IGSF10: variants seen among roughly 807,000 people sequenced by gnomAD.
IGSF10 encodes calvaria mechanical force protein 608.
Under a neutral mutation model 128.2 loss-of-function variants are expected in IGSF10, and 126 were observed. That is an observed-to-expected ratio of 0.98 (90% CI 0.85 to 1.14). The LOEUF (loss-of-function observed/expected upper bound fraction) is 1.14, where lower values mean the gene tolerates loss of function less well. Ranked by LOEUF, IGSF10 falls within the 50% of genes most tolerant of loss-of-function variation. The pLI is 0.00. For missense variants in IGSF10, 3,295 were observed against 3,149.8 expected (o/e 1.05, Z -1.10); for synonymous variants, 1,185 against 1,146.2 (o/e 1.03, Z -0.68).
chr3:151,589,895 G>T, the IGSF10 span, among the ~76,000 whole-genome samples: 4 of 152,064 alleles, frequency 2.6e-5, no homozygotes, highest in Non-Finnish European at 4.4e-5. Flanking sequence ...GAAAACTTAT[G>T]ATGTGTTTTT....
chr3:151,472,933 C>G, the IGSF10 span, among the ~76,000 whole-genome samples: 6 of 152,214 alleles, frequency 3.9e-5, no homozygotes, highest in East Asian at 1.2e-3. Context: ...GGGCCTTGAA[C>G]CTTGGGTCCA....
At chr3:151,435,058 GTTTCT>G (rs1353926415), downstream of IGSF10, 44 of 124,586 alleles carry the variant, frequency 3.5e-4, no homozygotes, top group African/African-American at 1.2e-3. Context: ...ATCTTGAGAG[GTTTCT>G]TTTTTTTTTT....
chr3:151,449,384 G>C (rs774903088), intron 5 of IGSF10, 119 bp from the exon 6 acceptor site: 26 of 1,004,232 alleles, frequency 2.6e-5, no homozygotes, highest in Non-Finnish European at 3.7e-5. Context: ...GTGTTCAATG[G>C]AAAGTTTTCT....
chr3:151,578,313 C>A, the IGSF10 span, among the ~76,000 whole-genome samples: 1 of 152,090 alleles, frequency 6.6e-6, no homozygotes, highest in East Asian at 1.9e-4. Context: ...GCTTTGTGGG[C>A]TATGGGGTAT....
chr3:151,463,539 TTTTTTTTTTTTTTTTTTTTTTTC>T (rs1267586293), upstream of IGSF10, among the ~76,000 whole-genome samples: 5 of 107,486 alleles, frequency 4.7e-5, no homozygotes, highest in Middle Eastern at 4.3e-3. Flanking sequence ...TTTTTTTTTT[TTTTTTTTTTTTTTTTTTTTTTTC>T]TGAGACGGAG....
In IGSF10 at chr3:151,453,725, A is replaced by C; in HGVS notation, c.374T>G (p.Phe125Cys). The change falls in exon 5 of 8, where the codon TTT (phenylalanine) becomes TGT (cysteine). Residue 125 changes from phenylalanine to cysteine, a missense_variant. Coordinates refer to ENST00000282466, the MANE Select transcript of IGSF10 (RefSeq NM_178822.5). ...TCGTGTCAAGCTCCTGAGGCCATAA[A>C]AAGTATCTTTCTGAAGTTTTCGGAC... ...NKVRKLQKDT[F>C]YGLRSLTRLH... is the part of the protein sequence containing the mutation. The C allele has an allele frequency of 6.3e-7, 1 of 1,598,154 alleles. No individual in the cohort carries two copies. The highest frequency in any genetic ancestry group is 8.5e-7 in the Non-Finnish European group (1 of 1,171,596).
the IGSF10 span, among the ~76,000 whole-genome samples, chr3:151,572,733 C>G: frequency 0.058 from 8,796 of 152,022 alleles, 508 homozygotes; most frequent in African/African-American, 0.15. Flanking sequence ...GTTCTGCTCT[C>G]ATCTTAGTTA....
At chr3:151,496,184 G>A in the IGSF10 span, among the ~76,000 whole-genome samples, 1 of 149,196 alleles carries the variant, frequency 6.7e-6, no homozygotes, top group Non-Finnish European at 1.5e-5. Flanking sequence ...CACGGCTTTT[G>A]TCAGAAGCTC....
chr3:151,513,658 CT>C, the IGSF10 span, among the ~76,000 whole-genome samples: 1 of 151,958 alleles, frequency 6.6e-6, no homozygotes, highest in Non-Finnish European at 1.5e-5. Flanking sequence ...GGGCATTCAA[CT>C]AGGAAAAGAG....
At chr3:151,610,078 G>A in the IGSF10 span, among the ~76,000 whole-genome samples, 1 of 152,174 alleles carries the variant, frequency 6.6e-6, no homozygotes, top group Non-Finnish European at 1.5e-5. Flanking sequence ...GGCAACAGTG[G>A]TGATGGAGAG....
the IGSF10 span, among the ~76,000 whole-genome samples, chr3:151,562,890 G>T: frequency 6.6e-6 from 1 of 152,086 alleles, no homozygotes; most frequent in East Asian, 1.9e-4. Flanking sequence ...GCTACCACTT[G>T]TAAAGATCAT....
chr3:151,570,893 T>A, the IGSF10 span, among the ~76,000 whole-genome samples: 2 of 152,206 alleles, frequency 1.3e-5, no homozygotes, highest in East Asian at 3.8e-4. Context: ...CTTTAATCCA[T>A]CTTGAATTAA....
intron 4 of IGSF10, among the ~76,000 whole-genome samples, chr3:151,455,690 G>T (rs1034099610): frequency 6.6e-6 from 1 of 152,106 alleles, no homozygotes; most frequent in African/African-American, 2.4e-5. Flanking sequence ...CTGTATACAT[G>T]CACAACGCTT....
the IGSF10 span, among the ~76,000 whole-genome samples, chr3:151,569,283 G>A: frequency 1.3e-5 from 2 of 152,124 alleles, no homozygotes; most frequent in Non-Finnish European, 2.9e-5. Flanking sequence ...TGTTGGCCAG[G>A]CTGGTCTTGA....
chr3:151,526,043 G>C, the IGSF10 span, among the ~76,000 whole-genome samples: 1 of 152,176 alleles, frequency 6.6e-6, no homozygotes, highest in Non-Finnish European at 1.5e-5. Flanking sequence ...ACTTCTTGTT[G>C]CTCCAAGGCC....
At chr3:151,543,481 G>C in the IGSF10 span, among the ~76,000 whole-genome samples, 1 of 152,156 alleles carries the variant, frequency 6.6e-6, no homozygotes. Flanking sequence ...CTCTGGGCAA[G>C]AGCACGAGCA....
chr3:151,459,817 G>A (rs536487197), intron 2 of IGSF10, among the ~76,000 whole-genome samples: 34 of 152,204 alleles, frequency 2.2e-4, no homozygotes, highest in African/African-American at 6.0e-4. Flanking sequence ...AAATCCCACC[G>A]TTCTGTGGAA....
the IGSF10 span, among the ~76,000 whole-genome samples, chr3:151,470,742 C>T: frequency 7.5e-6 from 1 of 133,380 alleles, no homozygotes; most frequent in Non-Finnish European, 1.7e-5. Context: ...TCCTAATTGA[C>T]TAAAAGCAGC....
chr3:151,453,425 C>T lies in IGSF10; in HGVS notation c.674G>A (p.Cys225Tyr). 1 of 1,608,034 alleles carries T rather than the reference C, an allele frequency of 6.2e-7. No individual in the cohort carries two copies. Among genetic ancestry groups the T allele is most frequent in the Non-Finnish European group, 8.5e-7 (1 of 1,178,488 alleles). Reference protein sequence around the residue: ...YLHGNPWTCDCHLKWLSDWIQ... With the variant: ...YLHGNPWTCDYHLKWLSDWIQ... ...CCAGTCAGACAACCACTTTAAATGG[C>T]AATCACAGGTCCATGGGTTTCCATG... Residue 225 changes from cysteine to tyrosine, a missense_variant, in exon 5 of 8, where the codon TGC (cysteine) becomes TAC (tyrosine). Physicochemically the swap from Cys to Tyr is radical, Grantham distance 194. Coordinates refer to ENST00000282466, the MANE Select transcript of IGSF10 (RefSeq NM_178822.5).
Sources: gnomAD v4.1 joint callset for allele counts (sites outside exome capture counted in the v4.1 genomes callset) on GRCh38, gnomAD v4.1.1 for gene constraint, MANE v1.5 for transcripts, NCBI Gene and HGNC (gene_info 2026-07-23, HGNC 2026-07-21) for gene names.